RXRA: variants seen among roughly 807,000 people sequenced by gnomAD.
RXRA encodes the protein retinoid X receptor alpha.
Under a neutral mutation model 44.5 loss-of-function variants are expected in RXRA, and 5 were observed. The observed-to-expected ratio is 0.11, with a 90% CI of 0.06 to 0.24. The LOEUF is 0.24. Ranked by LOEUF, RXRA falls within the 10% of genes least tolerant of loss-of-function variation. The pLI is 1.00. For synonymous variants in RXRA, 291 were observed against 271.4 expected (o/e 1.07, Z -0.71); for missense variants, 412 against 646.5 (o/e 0.64, Z 3.93).
intron 4 of RXRA, among the ~76,000 whole-genome samples, chr9:134,416,514 GTC>G (rs1831237337): frequency 6.6e-6 from 1 of 152,172 alleles, no homozygotes; most frequent in South Asian, 2.1e-4. Flanking sequence ...TGGGTGGGCC[GTC>G]TCTGTGTGGC....
chr9:134,346,762 G>C (rs782507005), intron 1 of RXRA, among the ~76,000 whole-genome samples: 3 of 152,244 alleles, frequency 2.0e-5, no homozygotes, highest in Non-Finnish European at 4.4e-5. Context: ...GGAGTCTGAA[G>C]CCCAGGGTGG....
chr9:134,368,489 C>T (rs1275301154), intron 1 of RXRA, among the ~76,000 whole-genome samples: 1 of 152,160 alleles, frequency 6.6e-6, no homozygotes, highest in East Asian at 1.9e-4. Flanking sequence ...AGCTGGCTGG[C>T]TTTGAGCAAA....
At position 134,417,736 on chromosome 9, in the gene RXRA, A is replaced by G. The variant is rs1190208551; in HGVS notation, c.780+409A>G. ...GGGAGGAGGCCGAGCCCCCAGCAAG[A>G]GGCTCTGCAGGTTGGTTCCAGGGCT... On this transcript the variant is annotated intron_variant, in intron 5 of 9. Coordinates refer to ENST00000481739, the MANE Select transcript of RXRA (RefSeq NM_002957.6). This position sits in a 1 kb window ranked among gnomAD's most constrained non-coding sequence, Gnocchi z 6.1. 6.6e-6 allele frequency among the ~76,000 whole-genome samples: 1 copy of G among 151,824 alleles called. No homozygotes were observed. The highest frequency in any genetic ancestry group is 1.5e-5 in the Non-Finnish European group (1 of 67,936).
At chr9:134,348,795 T>TCAGGTGCCTCC (rs111279776) in intron 1 of RXRA, among the ~76,000 whole-genome samples, 1 of 151,872 alleles carries the variant, frequency 6.6e-6, no homozygotes, top group African/African-American at 2.4e-5. Context: ...TCAGAAGACT[T>TCAGGTGCCTCC]CCCGGACGCT....
At position 134,436,787 on chromosome 9, in the gene RXRA, G is replaced by A; in HGVS notation, c.*173G>A. 1 of 707,818 alleles carries A rather than the reference G, an allele frequency of 1.4e-6. No individual in the cohort carries two copies. Among genetic ancestry groups the A allele is most frequent in the Non-Finnish European group, 2.3e-6 (1 of 436,490 alleles). The allele number at this position is 707,818 out of a possible 1,614,324, so 43.8% of individuals were successfully genotyped here. A position where few individuals can be genotyped will look rare whatever the true frequency, so the allele number is the denominator to read the frequency against. ...ATGTGTTGTCACCCTCCTTATTTCTGTTACTACTTGTCTGTGGCCCAGGGC... is the reference window on the plus strand; with the variant it reads ...ATGTGTTGTCACCCTCCTTATTTCTATTACTACTTGTCTGTGGCCCAGGGC... On this transcript the variant is annotated 3_prime_UTR_variant, in exon 10 of 10. Coordinates refer to ENST00000481739, the MANE Select transcript of RXRA (RefSeq NM_002957.6).
At chr9:134,367,474 G>A (rs545617271) in intron 1 of RXRA, among the ~76,000 whole-genome samples, 4 of 152,360 alleles carry the variant, frequency 2.6e-5, no homozygotes, top group South Asian at 2.1e-4. Context: ...GCCAGGGCCC[G>A]CTGTGTGCCC....
intron 1 of RXRA, among the ~76,000 whole-genome samples, chr9:134,351,058 G>T (rs937378468): frequency 6.6e-6 from 1 of 152,348 alleles, no homozygotes; most frequent in East Asian, 1.9e-4. Context: ...TGGGAAGTGC[G>T]TGTGGCCTCA....
intron 1 of RXRA, among the ~76,000 whole-genome samples, chr9:134,341,640 C>G (rs1350592674): frequency 6.6e-6 from 1 of 152,224 alleles, no homozygotes; most frequent in African/African-American, 2.4e-5. Flanking sequence ...GTTGGGCTGG[C>G]TCGCAGCTTG....
intron 1 of RXRA, among the ~76,000 whole-genome samples, chr9:134,341,867 C>T (rs928351185): frequency 4.6e-5 from 7 of 152,066 alleles, no homozygotes; most frequent in South Asian, 2.1e-4. Context: ...GAGCTGGGTG[C>T]GTGACTGGCA....
chr9:134,429,716 T>C (rs1468195191), intron 7 of RXRA, among the ~76,000 whole-genome samples: 1 of 152,130 alleles, frequency 6.6e-6, no homozygotes, highest in Non-Finnish European at 1.5e-5. Flanking sequence ...AGCAAAGGGC[T>C]GCACCTCAGC....
At position 134,422,400 on chromosome 9, in the gene RXRA, G is replaced by A. The variant is rs745811251; in HGVS notation, c.910+595G>A. 6.1e-5 allele frequency: 64 copies of A among 1,050,850 alleles called. No homozygotes were observed. In the South Asian group the frequency reaches 7.4e-4, roughly 12 times the overall value. The allele number at this position is 1,050,850 out of a possible 1,614,324, so 65.1% of individuals were successfully genotyped here. A position where few individuals can be genotyped will look rare whatever the true frequency, so the allele number is the denominator to read the frequency against. ...CTCCCCCCTCCCGGGACACTCCCCC[G>A]TCCCGTGACATTCCACTCTCCCTGG... On this transcript the variant is annotated intron_variant, in intron 6 of 9. Coordinates refer to ENST00000481739, the MANE Select transcript of RXRA (RefSeq NM_002957.6).
intron 1 of RXRA, among the ~76,000 whole-genome samples, chr9:134,397,108 C>T (rs1432717959): frequency 6.6e-6 from 1 of 152,202 alleles, no homozygotes; most frequent in African/African-American, 2.4e-5. Flanking sequence ...CAGAAGCATC[C>T]TGGCACTGGT....
chr9:134,409,892 C>T (rs1831120458), intron 4 of RXRA, among the ~76,000 whole-genome samples: 1 of 152,014 alleles, frequency 6.6e-6, no homozygotes, highest in Non-Finnish European at 1.5e-5. Context: ...CTGTCCCTGT[C>T]CCCCCGCTCT....
intron 1 of RXRA, among the ~76,000 whole-genome samples, chr9:134,335,011 G>A (rs546893943): frequency 2.3e-4 from 35 of 152,158 alleles, no homozygotes; most frequent in Non-Finnish European, 4.4e-4. Context: ...TCCCCATGAC[G>A]GTTATCACTC....
chr9:134,399,795 T>C, intron 1 of RXRA, among the ~76,000 whole-genome samples: 1 of 152,332 alleles, frequency 6.6e-6, no homozygotes, highest in Non-Finnish European at 1.5e-5. Flanking sequence ...CCGACTGCGA[T>C]GGGGCACTAG....
intron 1 of RXRA, among the ~76,000 whole-genome samples, chr9:134,347,442 C>T (rs555827435): frequency 1.3e-3 from 203 of 152,316 alleles, no homozygotes; most frequent in African/African-American, 4.4e-3. Flanking sequence ...GACACCGTGC[C>T]GTCCACCCTG....
rs143850435 is a variant in RXRA, at chr9:134,354,127, C to T, written c.28+27468C>T. On this transcript the variant is annotated intron_variant, in intron 1 of 9. Coordinates refer to ENST00000481739, the MANE Select transcript of RXRA (RefSeq NM_002957.6). ...ATTCCAGCCTTTGTGTCTCTTCTGA[C>T]GGATGGGATGGGGTGCCTGGGTCCC... 7.0e-3 allele frequency among the ~76,000 whole-genome samples: 1,060 copies of T among 152,234 alleles called. 10 individuals carry two copies. The highest frequency in any genetic ancestry group is 0.024 in the African/African-American group (984 of 41,530).
Position 134,342,290 on chromosome 9 carries a change from A to G in RXRA, c.28+15631A>G, listed in dbSNP as rs558944741. 2.0e-5 allele frequency among the ~76,000 whole-genome samples: 3 copies of G among 152,162 alleles called. No homozygotes were observed. Among genetic ancestry groups the G allele is most frequent in the African/African-American group, 4.8e-5 (2 of 41,496 alleles). ...ACAGTGCACCAGGTGCCCCGGTACC[A>G]GCTTGTGCCAAGCCCATTGCCCTCC... On this transcript the variant is annotated intron_variant, in intron 1 of 9. Transcript: ENST00000481739. The surrounding 1 kb of genome is among the most constrained non-coding windows in gnomAD (Gnocchi z 4.4).
At chr9:134,346,104 GGGGGCCACGCA>G (rs1326214119) in intron 1 of RXRA, among the ~76,000 whole-genome samples, 1 of 152,116 alleles carries the variant, frequency 6.6e-6, no homozygotes, top group Non-Finnish European at 1.5e-5. Flanking sequence ...TGTGGTATTG[GGGGGCCACGCA>G]GGGTCCCTCG....
Sources: allele counts gnomAD v4.1 joint callset (sites outside exome capture counted in the v4.1 genomes callset), GRCh38; gene constraint gnomAD v4.1.1; non-coding constraint Gnocchi (gnomAD v3.1); transcripts MANE v1.5; gene names NCBI Gene and HGNC (gene_info 2026-07-23, HGNC 2026-07-21).